The following COPS3 variants were observed in gnomAD, a reference collection of about 807,000 sequenced individuals.
The protein encoded by COPS3 is COP9 signalosome subunit 3, also known as COP9 signalosome complex subunit 3.
Under a neutral mutation model 58.2 loss-of-function variants are expected in COPS3, and 10 were observed. The observed-to-expected ratio is 0.17, with a 90% CI of 0.11 to 0.29. The LOEUF is 0.29. Among genes scored for constraint, COPS3 ranks in the 10% least tolerant of loss-of-function variants. The pLI is 1.00. For synonymous variants in COPS3, 187 were observed against 181.7 expected (o/e 1.03, Z -0.24); for missense variants, 333 against 510.1 (o/e 0.65, Z 3.34).
At chr17:17,269,634 C>A (rs2048303029) in intron 4 of COPS3, among the ~76,000 whole-genome samples, 1 of 152,042 alleles carries the variant, frequency 6.6e-6, no homozygotes, top group Admixed American at 6.6e-5. Flanking sequence ...TAAAAATCCA[C>A]ATTATAAATT....
rs538109331 is a variant in COPS3 at position 17,250,398 on chromosome 17, G to C, written c.1024-1359C>G. ...GCCTCCTAAGTAGCTGGGACTACAG[G>C]TATGTGCCACGATGCCCAGCTAATT... On this transcript the variant is annotated intron_variant, in intron 9 of 11. Transcript: ENST00000268717. 3.9e-5 allele frequency among the ~76,000 whole-genome samples: 6 copies of C among 152,076 alleles called. No individual in the cohort carries two copies. In the South Asian group the frequency reaches 1.3e-3, roughly 32 times the overall value.
At chr17:17,264,712 G>C (rs949802635) in intron 6 of COPS3, 90 bp downstream of exon 6, 94 of 1,070,984 alleles carry the variant, frequency 8.8e-5, no homozygotes, top group Non-Finnish European at 1.2e-4. Context: ...GGAGGCCCTG[G>C]GATCAGACCA....
intron 8 of COPS3, among the ~76,000 whole-genome samples, chr17:17,259,791 G>A (rs1803523478): frequency 1.3e-5 from 2 of 152,116 alleles, no homozygotes; most frequent in African/African-American, 4.8e-5. Context: ...CTGCTTGGGA[G>A]GCTGAGGTGG....
At chr17:17,247,197 A>G (rs1282047265) in intron 11 of COPS3, 46 bp from the exon 12 acceptor site, 5 of 1,583,906 alleles carry the variant, frequency 3.2e-6, no homozygotes, top group Non-Finnish European at 4.3e-6. Flanking sequence ...GCTTTTATCA[A>G]GGGTTCCCCG....
Position 17,276,075 on chromosome 17 carries a change from G to A in COPS3, c.145C>T (p.Leu49=). 6.2e-7 allele frequency: 1 copy of A among 1,614,128 alleles called. No homozygotes were observed. The highest frequency in any genetic ancestry group is 1.3e-5 in the African/African-American group (1 of 75,036). ...CCCAAGGAGTGTTCTTGTACATCCAGAGCCCCGAGCACAGTGTCCAGATGG... is the reference window on the plus strand; with the variant it reads ...CCCAAGGAGTGTTCTTGTACATCCAAAGCCCCGAGCACAGTGTCCAGATGG... ...LSHLDTVLGA[L]DVQEHSLGVL... is the part of the protein sequence containing the mutation. Residue 49 remains leucine, a synonymous_variant, in exon 2 of 12, where the codon CTG becomes TTG. Transcript: ENST00000268717.
intron 1 of COPS3, among the ~76,000 whole-genome samples, chr17:17,279,605 C>CAT (rs1025088275): frequency 1.1e-4 from 17 of 152,152 alleles, no homozygotes; most frequent in African/African-American, 4.1e-4. Flanking sequence ...AGCACCCCTC[C>CAT]ATTTTTACAA....
intron 9 of COPS3, among the ~76,000 whole-genome samples, chr17:17,250,453 G>A (rs934372793): frequency 2.0e-5 from 3 of 151,478 alleles, no homozygotes; most frequent in African/African-American, 4.9e-5. Context: ...ATGACGTTTT[G>A]CCATGTTGGC....
intron 1 of COPS3, chr17:17,280,517 G>A: frequency 1.7e-6 from 2 of 1,199,840 alleles, no homozygotes; most frequent in Non-Finnish European, 2.2e-6. Context: ...CCGAGATCGC[G>A]CCACTGCACT....
intron 2 of COPS3, among the ~76,000 whole-genome samples, chr17:17,272,703 A>C (rs1251333973): frequency 1.3e-5 from 2 of 152,176 alleles, no homozygotes; most frequent in Non-Finnish European, 2.9e-5. Flanking sequence ...GGAGTTTGAG[A>C]CCAGCCTAGG....
At chr17:17,278,437 T>G (rs535843937) in intron 1 of COPS3, among the ~76,000 whole-genome samples, 2 of 152,184 alleles carry the variant, frequency 1.3e-5, no homozygotes, top group Non-Finnish European at 2.9e-5. Flanking sequence ...TTGATACATT[T>G]TACTGAAAGC....
Position 17,247,030 on chromosome 17 carries a change from G to A in COPS3, c.*68C>T. On this transcript the variant is annotated 3_prime_UTR_variant, in exon 12 of 12. Coordinates refer to ENST00000268717, the MANE Select transcript of COPS3 (RefSeq NM_003653.4). Reference sequence around the variant, plus strand: ...TGACACAGGCTTGGTCCTCTCTGCTGCCCTCCGAACACTTGTCACTGGCCA... The same window carrying A: ...TGACACAGGCTTGGTCCTCTCTGCTACCCTCCGAACACTTGTCACTGGCCA... The A allele has an allele frequency of 7.2e-7, 1 of 1,394,776 alleles. No homozygotes were observed. The highest frequency in any genetic ancestry group is 1.2e-5 in the South Asian group (1 of 86,612). The allele number at this position is 1,394,776 out of a possible 1,614,324, so 86.4% of individuals were successfully genotyped here.
chr17:17,276,732 C>T (rs2048468925), intron 1 of COPS3, among the ~76,000 whole-genome samples: 1 of 152,052 alleles, frequency 6.6e-6, no homozygotes, highest in Admixed American at 6.6e-5. Flanking sequence ...CTGCACCTGG[C>T]TAATTTTTTT....
chr17:17,263,071 G>A (rs1044994293), intron 6 of COPS3, among the ~76,000 whole-genome samples: 26 of 151,692 alleles, frequency 1.7e-4, no homozygotes, highest in African/African-American at 4.6e-4. Flanking sequence ...GGCGGATCAC[G>A]AGGTCAGGAG....
chr17:17,270,772 C>G lies in COPS3; in HGVS notation c.334G>C (p.Val112Leu), dbSNP rs771859819. 6 of 1,595,804 alleles carry G rather than the reference C, an allele frequency of 3.8e-6. No homozygotes were observed. Reference protein sequence around the residue: ...GLCHQLTNALVERKQPLRGIG... With the variant: ...GLCHQLTNALLERKQPLRGIG... ...GTATTTCTTACCTGTTTTCTTTCCACAAGTGCATTTGTTAGCTGATGGCAA... is the reference window on the plus strand; with the variant it reads ...GTATTTCTTACCTGTTTTCTTTCCAGAAGTGCATTTGTTAGCTGATGGCAA... The change falls in exon 4 of 12, where the codon GTG (valine) becomes CTG (leucine). Residue 112 changes from valine (V) to leucine (L), a missense_variant. Coordinates refer to ENST00000268717, the MANE Select transcript of COPS3 (RefSeq NM_003653.4).
At chr17:17,280,823 C>G (rs951537466) in intron 1 of COPS3, 5 of 1,249,080 alleles carry the variant, frequency 4.0e-6, no homozygotes, top group Non-Finnish European at 5.2e-6. Flanking sequence ...CGAGATGGCT[C>G]CTGGCGGAAG....
chr17:17,253,362 C>T (rs2047893384), intron 9 of COPS3, among the ~76,000 whole-genome samples: 1 of 152,120 alleles, frequency 6.6e-6, no homozygotes, highest in Admixed American at 6.6e-5. Context: ...ACTTATGTAA[C>T]TGAATAGGTA....
chr17:17,247,548 T>C lies in COPS3; in HGVS notation c.1150A>G (p.Ile384Val), dbSNP rs774401192. 5 of 1,614,198 alleles carry C rather than the reference T, an allele frequency of 3.1e-6. No individual in the cohort carries two copies. The highest frequency in any genetic ancestry group is 1.7e-5 in the Admixed American group (1 of 60,024). The change falls in exon 11 of 12, where the codon ATT (isoleucine) becomes GTT (valine). Residue 384 changes from isoleucine (I) to valine (V), a missense_variant. By Grantham distance (29) the Ile-to-Val change is conservative. Transcript: ENST00000268717. The stretch of plus-strand genomic sequence containing the variant: ...GCTTTCAGCCGCTCATCCAGCTCAA[T>C]GCACTTCAGCATCTGCATGACAGGC... ...HNIDQEMLKCIELDERLKAMD... is the reference protein window; with the variant it reads ...HNIDQEMLKCVELDERLKAMD...
chr17:17,246,747 C>A lies in COPS3; in HGVS notation c.*351G>T. The A allele has an allele frequency of 5.0e-6, 1 of 198,742 alleles. No individual in the cohort carries two copies. Among genetic ancestry groups the A allele is most frequent in the Non-Finnish European group, 1.0e-5 (1 of 98,724 alleles). 12.3% of individuals were successfully genotyped at this position (198,742 alleles called of 1,614,324 possible). Reference sequence around the variant, plus strand: ...AAATCTTCCAAAAATTCCTAAAATCCAGCTATTTCTGTTCACAATGAATGT... The same window carrying A: ...AAATCTTCCAAAAATTCCTAAAATCAAGCTATTTCTGTTCACAATGAATGT... On this transcript the variant is annotated 3_prime_UTR_variant, in exon 12 of 12. Transcript: ENST00000268717.
intron 9 of COPS3, among the ~76,000 whole-genome samples, 180 bp from the exon 10 acceptor site, chr17:17,249,219 C>A (rs548671111): frequency 2.0e-5 from 3 of 152,308 alleles, no homozygotes; most frequent in Admixed American, 6.5e-5. Flanking sequence ...TTGCTAGGCA[C>A]CATTATAGAT....
Sources: allele counts gnomAD v4.1 joint callset (sites outside exome capture counted in the v4.1 genomes callset), GRCh38; gene constraint gnomAD v4.1.1; transcripts MANE v1.5; gene names NCBI Gene and HGNC (gene_info 2026-07-23, HGNC 2026-07-21).